Variants in EML1 observed in about 807,000 individuals in gnomAD.
EML1 encodes the protein EMAP like 1, also known as echinoderm microtubule-associated protein-like 1.
A neutral mutation model predicts 110.4 loss-of-function variants in EML1; 27 were observed. That is an observed-to-expected ratio of 0.24 (90% CI 0.18 to 0.34). The LOEUF (loss-of-function observed/expected upper bound fraction) is 0.34. EML1 is among the 10% of genes least tolerant of loss of function. The probability of loss-of-function intolerance (pLI) is 1.00; values close to 1 mark genes in which losing one functional copy is unlikely to be tolerated. For missense variants in EML1, 741 were observed against 1,030.9 expected (o/e 0.72, Z 3.85); for synonymous variants, 344 against 385.8 (o/e 0.89, Z 1.27).
intron 1 of EML1, among the ~76,000 whole-genome samples, chr14:99,783,972 G>GTTGA (rs1420177889): frequency 1.3e-5 from 2 of 152,374 alleles, no homozygotes; most frequent in African/African-American, 4.8e-5. Flanking sequence ...TGGAAATCCT[G>GTTGA]TTGATTGGTG....
intron 3 of EML1, among the ~76,000 whole-genome samples, chr14:99,870,510 CAT>C (rs1277050387): frequency 6.6e-6 from 1 of 152,196 alleles, no homozygotes; most frequent in Non-Finnish European, 1.5e-5. Flanking sequence ...AACAGCGTTA[CAT>C]TGGAGGAAGG....
intron 1 of EML1, among the ~76,000 whole-genome samples, chr14:99,797,145 A>G (rs1402635112): frequency 1.3e-5 from 2 of 152,060 alleles, no homozygotes; most frequent in Non-Finnish European, 1.5e-5. Context: ...GCAACCATTA[A>G]TCTACTTTCT....
At chr14:99,886,033 AG>A in intron 4 of EML1, 1 of 347,504 alleles carries the variant, frequency 2.9e-6, no homozygotes, top group Middle Eastern at 3.9e-4. Flanking sequence ...TAAAGTCTCC[AG>A]CAACTTCTAA....
At chr14:99,816,438 T>C (rs926849210) in intron 1 of EML1, among the ~76,000 whole-genome samples, 1 of 152,244 alleles carries the variant, frequency 6.6e-6, no homozygotes, top group Non-Finnish European at 1.5e-5. Flanking sequence ...TATGGGATTA[T>C]AGGCGTGAGC....
intron 1 of EML1, among the ~76,000 whole-genome samples, chr14:99,805,630 G>A (rs565161551): frequency 2.6e-5 from 4 of 151,976 alleles, no homozygotes; most frequent in South Asian, 2.1e-4. Flanking sequence ...ACATGCCACC[G>A]TGCCCAGCTA....
intron 1 of EML1, among the ~76,000 whole-genome samples, chr14:99,801,314 A>G (rs1374774232): frequency 6.6e-6 from 1 of 152,200 alleles, no homozygotes; most frequent in Non-Finnish European, 1.5e-5. Flanking sequence ...CCCTGTAAAC[A>G]TTAGATTCTC....
intron 2 of EML1, among the ~76,000 whole-genome samples, chr14:99,853,407 C>T (rs967407098): frequency 1.3e-5 from 2 of 151,856 alleles, no homozygotes; most frequent in African/African-American, 4.8e-5. Flanking sequence ...GGGGTGTGCC[C>T]GTGGGAGGGG....
intron 11 of EML1, among the ~76,000 whole-genome samples, chr14:99,909,815 T>C (rs997290000): frequency 3.9e-5 from 6 of 152,142 alleles, no homozygotes; most frequent in African/African-American, 1.4e-4. Flanking sequence ...TGTCTGGACG[T>C]TGTGGGGCTG....
At chr14:99,884,285 G>A (rs1230525219) in intron 4 of EML1, among the ~76,000 whole-genome samples, 6 of 152,136 alleles carry the variant, frequency 3.9e-5, no homozygotes, top group Admixed American at 6.5e-5. Context: ...ATTCCCCAGC[G>A]CCTGTTTCTG....
chr14:99,754,562 C>T (rs2057222774), intron 1 of EML1, among the ~76,000 whole-genome samples: 1 of 152,222 alleles, frequency 6.6e-6, no homozygotes, highest in Admixed American at 6.5e-5. Flanking sequence ...CTTTCAACTT[C>T]TGTTTGACTC....
At chr14:99,849,025 G>T (rs2058748359) in intron 1 of EML1, among the ~76,000 whole-genome samples, 1 of 151,842 alleles carries the variant, frequency 6.6e-6, no homozygotes, top group Admixed American at 6.6e-5. Flanking sequence ...GGAAAAAAAT[G>T]AGTCTTTGAA....
At chr14:99,821,830 G>A (rs779006420) in intron 1 of EML1, among the ~76,000 whole-genome samples, 11 of 152,226 alleles carry the variant, frequency 7.2e-5, no homozygotes, top group Admixed American at 6.5e-4. Flanking sequence ...ACATTTCTAC[G>A]TGCTAATATG....
Position 99,914,204 on chromosome 14 carries a change from G to A in EML1, c.1520G>A (p.Arg507Gln), listed in dbSNP as rs1444645451. 1.9e-6 allele frequency: 3 copies of A among 1,613,500 alleles called. No homozygotes were observed. The highest frequency in any genetic ancestry group is 2.5e-6 in the Non-Finnish European group (3 of 1,179,638). ...TEIPEQFGPIRTVAEGKGDVI... is the reference protein window; with the variant it reads ...TEIPEQFGPIQTVAEGKGDVI... ...ATTCCAGAACAGTTTGGTCCAATAC[G>A]GACAGTGGCCGAGGGGAAAGGCGAT... The change falls in exon 14 of 22, where the codon CGG becomes CAG. Residue 507 changes from arginine to glutamine, a missense_variant. Arg to Gln is a conservative substitution (Grantham distance 43). Around this residue, in one of 4 missense-constraint regions of EML1, gnomAD observed 388 missense variants for 605.6 expected, o/e 0.64. Coordinates refer to ENST00000262233, the MANE Select transcript of EML1 (RefSeq NM_004434.3).
chr14:99,832,463 A>G (rs1378879336), intron 1 of EML1, among the ~76,000 whole-genome samples: 1 of 152,160 alleles, frequency 6.6e-6, no homozygotes, highest in Non-Finnish European at 1.5e-5. Context: ...AAGTGGTTGT[A>G]CCACCTGACA....
rs186617025 is a variant in EML1 at position 99,749,704 on chromosome 14, G to T, written c.28+11844G>T. ...GTAGACAGGGACAAACATCAGTAGC[G>T]AGGGAGCTGACTTACCAGCCCAGCC... On this transcript the variant is annotated intron_variant, in intron 1 of 10. Transcript: ENST00000554479. Among the ~76,000 whole-genome samples the T allele has an allele frequency of 5.9e-5, 9 of 152,314 alleles. No individual in the cohort carries two copies. In the East Asian group the frequency reaches 1.7e-3, roughly 29 times the overall value.
In EML1 at chr14:99,905,107, C is replaced by T. The variant is rs561317397; in HGVS notation, c.1009-2531C>T. 8.5e-5 allele frequency among the ~76,000 whole-genome samples: 13 copies of T among 152,284 alleles called. No homozygotes were observed. In the East Asian group the frequency reaches 2.1e-3, roughly 25 times the overall value. ...AAATTCTTACCATTTTGCTGGCATGCCAGGCTTCTGGGTTCCCTTTCCCTG... is the reference window on the plus strand; with the variant it reads ...AAATTCTTACCATTTTGCTGGCATGTCAGGCTTCTGGGTTCCCTTTCCCTG... On this transcript the variant is annotated intron_variant, in intron 9 of 21. Coordinates refer to ENST00000262233, the MANE Select transcript of EML1 (RefSeq NM_004434.3). This position sits in a 1 kb window ranked among gnomAD's most constrained non-coding sequence, Gnocchi z 4.1.
At chr14:99,860,160 T>A (rs1228223998) in intron 2 of EML1, among the ~76,000 whole-genome samples, 1 of 152,166 alleles carries the variant, frequency 6.6e-6, no homozygotes, top group Non-Finnish European at 1.5e-5. Context: ...CTGCAATCCT[T>A]CCACCGGATG....
chr14:99,817,582 T>G (rs2058190355), intron 1 of EML1, among the ~76,000 whole-genome samples: 1 of 152,176 alleles, frequency 6.6e-6, no homozygotes, highest in Admixed American at 6.5e-5. Flanking sequence ...AGGACGTAAT[T>G]CTGACCTCAG....
intron 13 of EML1, among the ~76,000 whole-genome samples, chr14:99,913,916 C>T (rs976410211): frequency 6.6e-6 from 1 of 152,168 alleles, no homozygotes; most frequent in Non-Finnish European, 1.5e-5. Context: ...TCTCCAACTC[C>T]TGACCTCAGG....
Sources: allele counts gnomAD v4.1 joint callset (sites outside exome capture counted in the v4.1 genomes callset), GRCh38; gene constraint gnomAD v4.1.1; regional missense constraint gnomAD v4.1.1; non-coding constraint Gnocchi (gnomAD v3.1); transcripts MANE v1.5; gene names NCBI Gene and HGNC (gene_info 2026-07-23, HGNC 2026-07-21).